Variants in KIAA1210 observed in about 807,000 individuals in gnomAD.
The protein encoded by KIAA1210 is acrosomal protein KIAA1210.
In KIAA1210, 48 loss-of-function variants were observed where a neutral mutation model predicts 78.9. The observed-to-expected ratio is 0.61, with a 90% confidence interval of 0.48 to 0.77. The LOEUF (loss-of-function observed/expected upper bound fraction) is 0.77, where lower values mean the gene tolerates loss of function less well. Ranked by LOEUF, KIAA1210 falls within the 30% of genes least tolerant of loss-of-function variation. The pLI is 0.00. For synonymous variants in KIAA1210, 406 were observed against 404.5 expected (o/e 1.00, Z -0.04); for missense variants, 1,108 against 1,100.0 (o/e 1.01, Z -0.10).
chrX:119,089,798 T>G (rs912470820), intron 8 of KIAA1210, 52 bp from the exon 9 acceptor site: 8 of 1,082,038 alleles, frequency 7.4e-6, no homozygotes, highest in Non-Finnish European at 9.9e-6. Context: ...TTTCACTTCC[T>G]AAAATAAGAA....
chrX:119,138,958 G>A (rs971593156), intron 2 of KIAA1210, among the ~76,000 whole-genome samples: 36 of 112,240 alleles, frequency 3.2e-4, no homozygotes, highest in African/African-American at 1.2e-3. Flanking sequence ...ACCCCAGCAT[G>A]TGAGGAATAA....
intron 2 of KIAA1210, among the ~76,000 whole-genome samples, chrX:119,137,975 A>T (rs1016809564): frequency 9.0e-6 from 1 of 111,724 alleles, no homozygotes; most frequent in Non-Finnish European, 1.9e-5. Context: ...AATGGCAAGG[A>T]ACAGCAAAGC....
rs144726606 is a variant in KIAA1210 at position 119,106,654 on chromosome X, T to C, written c.493-1507A>G. Among the ~76,000 whole-genome samples the C allele has an allele frequency of 6.0e-4, 68 of 112,593 alleles. No homozygotes were observed. In the East Asian group the frequency reaches 0.017, roughly 28 times the overall value. On this transcript the variant is annotated intron_variant, in intron 5 of 11. Coordinates refer to ENST00000691062, the MANE Select transcript of KIAA1210 (RefSeq NM_001394962.1). ...AGTTTCTTAAATGACTAAATTCAAT[T>C]TGATTCAACAACAGCAAGATGCTAA...
chrX:119,083,797 G>A (rs1306070220), intron 10 of KIAA1210, among the ~76,000 whole-genome samples: 1 of 109,543 alleles, frequency 9.1e-6, no homozygotes, highest in Non-Finnish European at 1.9e-5. Context: ...AGACCAGCCT[G>A]GGCAACACAG....
At chrX:119,146,575 A>G (rs1200962963) in intron 2 of KIAA1210, among the ~76,000 whole-genome samples, 1 of 112,326 alleles carries the variant, frequency 8.9e-6, no homozygotes, top group Non-Finnish European at 1.9e-5. Context: ...AGATTTAAAT[A>G]CTTTATGTTG....
chrX:119,082,112 A>G (rs911290521), intron 11 of KIAA1210, among the ~76,000 whole-genome samples: 3 of 112,000 alleles, frequency 2.7e-5, no homozygotes, highest in Non-Finnish European at 5.6e-5. Context: ...CTGGCTACAC[A>G]TTAGAATCAC....
chrX:119,100,675 A>G (rs1210158234), intron 6 of KIAA1210, among the ~76,000 whole-genome samples: 1 of 111,627 alleles, frequency 9.0e-6, no homozygotes, highest in Non-Finnish European at 1.9e-5. Context: ...CCATCACCCA[A>G]ATAATATACC....
chrX:119,096,398 C>T (rs1156929573), intron 7 of KIAA1210, 96 bp downstream of exon 7: 1 of 830,614 alleles, frequency 1.2e-6, no homozygotes, highest in Non-Finnish European at 1.7e-6. Context: ...GCATGAGTCT[C>T]CTACACCATA....
Position 119,088,829 on chromosome X carries a change from A to C in KIAA1210, c.1873T>G (p.Ser625Ala), listed in dbSNP as rs778932690. 1 of 1,211,219 alleles carries C rather than the reference A, an allele frequency of 8.3e-7. No homozygotes were observed. The highest frequency in any genetic ancestry group is 1.1e-6 in the Non-Finnish European group (1 of 895,128). ...DGSEELAHGH[S>A]SQSLGKFEDE... ...TCAAACTTCCCCAAGGACTGGGAAGAGTGACCATGAGCCAGTTCTTCAGAA... is the reference window on the plus strand; with the variant it reads ...TCAAACTTCCCCAAGGACTGGGAAGCGTGACCATGAGCCAGTTCTTCAGAA... The change falls in exon 9 of 12, where the codon TCT (serine) becomes GCT (alanine). Residue 625 changes from serine (S) to alanine (A), a missense_variant. Ser to Ala is a moderately conservative substitution (Grantham distance 99). Coordinates refer to ENST00000691062, the MANE Select transcript of KIAA1210 (RefSeq NM_001394962.1).
intron 5 of KIAA1210, 79 bp from the exon 6 acceptor site, chrX:119,105,226 AAT>A (rs1165640420): frequency 1.0e-6 from 1 of 1,000,228 alleles, no homozygotes; most frequent in Non-Finnish European, 1.3e-6. Flanking sequence ...CTTATTCTTT[AAT>A]AAGAGTAAGG....
chrX:119,148,722 T>C (rs1490929480), intron 1 of KIAA1210, among the ~76,000 whole-genome samples: 1 of 111,524 alleles, frequency 9.0e-6, no homozygotes, highest in Non-Finnish European at 1.9e-5. Context: ...GAGACTCATT[T>C]GATTAGAGCA....
intron 1 of KIAA1210, among the ~76,000 whole-genome samples, chrX:119,126,701 T>C (rs1306783755): frequency 1.8e-5 from 2 of 112,103 alleles, no homozygotes; most frequent in Admixed American, 1.9e-4. Context: ...CCAGAATGAA[T>C]GGCTTTACCC....
At chrX:119,115,608 A>G (rs1410251284) in intron 3 of KIAA1210, among the ~76,000 whole-genome samples, 9 of 112,197 alleles carry the variant, frequency 8.0e-5, no homozygotes. Flanking sequence ...ACAGTATAAC[A>G]TGTCAGCTAA....
chrX:119,149,649 G>C (rs1481629780), intron 1 of KIAA1210, among the ~76,000 whole-genome samples: 1 of 111,751 alleles, frequency 8.9e-6, no homozygotes, highest in African/African-American at 3.3e-5. Flanking sequence ...TCTTCCTTTT[G>C]GAATTGCTTG....
rs1237560459 is a variant in KIAA1210, at chrX:119,080,574, G to A, written c.*755C>T. On this transcript the variant is annotated 3_prime_UTR_variant, in exon 12 of 12. Transcript: ENST00000691062. ...AATCTTTAGGTCAAATCATCTGAAT[G>A]TTTCCATTAGAATTACTTTATTTGG... is the stretch of plus-strand genomic sequence containing the variant. The A allele has an allele frequency of 2.7e-5, 3 of 112,193 alleles. No homozygotes were observed. The Admixed American group carries it at 2.8e-4, about 11-fold the overall frequency. The allele number at this position is 112,193 out of a possible 1,213,427, so 9.2% of individuals were successfully genotyped here.
In KIAA1210 at chrX:119,123,534, A is replaced by T. The variant is rs750535172; in HGVS notation, c.61+48T>A. On this transcript the variant is annotated intron_variant, in intron 2 of 11. Coordinates refer to ENST00000691062, the MANE Select transcript of KIAA1210 (RefSeq NM_001394962.1). ...TTTGTCCTAGGAGCTAAATAAACAC[A>T]GTAAACAAATCTAATTCTGGTTATC... The T allele has an allele frequency of 7.0e-5, 67 of 958,862 alleles. No individual in the cohort carries two copies. The Admixed American group carries it at 1.6e-3, about 23-fold the overall frequency. 79.0% of individuals were successfully genotyped at this position (958,862 alleles called of 1,213,427 possible).
intron 5 of KIAA1210, among the ~76,000 whole-genome samples, chrX:119,107,181 C>T (rs1200448753): frequency 8.8e-6 from 1 of 113,032 alleles, no homozygotes; most frequent in African/African-American, 3.2e-5. Context: ...AGGCCCAAGC[C>T]AAACATTTAA....
chrX:119,149,400 A>G (rs752420186), intron 1 of KIAA1210, among the ~76,000 whole-genome samples: 15 of 111,092 alleles, frequency 1.4e-4, no homozygotes, highest in Non-Finnish European at 2.3e-4. Flanking sequence ...GGAAAGGAAA[A>G]GTTTCTCCCA....
intron 2 of KIAA1210, among the ~76,000 whole-genome samples, chrX:119,118,203 C>T (rs895553838): frequency 2.0e-4 from 22 of 111,695 alleles, no homozygotes; most frequent in African/African-American, 6.2e-4. Flanking sequence ...AAAGCACCAT[C>T]CAAGAGTCAG....
Sources: gnomAD v4.1 joint callset for allele counts (sites outside exome capture counted in the v4.1 genomes callset) on GRCh38, gnomAD v4.1.1 for gene constraint, MANE v1.5 for transcripts, NCBI Gene and HGNC (gene_info 2026-07-23, HGNC 2026-07-21) for gene names.